Variants in HSPA9 observed in about 807,000 individuals in gnomAD.
HSPA9 encodes the protein heat shock protein family A (Hsp70) member 9.
In HSPA9, 28 loss-of-function variants were observed where a neutral mutation model predicts 81.5. The ratio of observed to expected loss-of-function variants is 0.34; its 90% CI spans 0.25 to 0.47. HSPA9 has a LOEUF of 0.47. Ranked by LOEUF, HSPA9 falls within the 20% of genes least tolerant of loss-of-function variation. HSPA9 has a pLI of 1.00. For synonymous variants in HSPA9, 293 were observed against 290.4 expected (o/e 1.01, Z -0.09); for missense variants, 678 against 838.0 (o/e 0.81, Z 2.36).
At chr5:138,575,085 G>A (rs147998423) in intron 1 of HSPA9, 153 bp downstream of exon 1, 2 of 630,854 alleles carry the variant, frequency 3.2e-6, no homozygotes, top group South Asian at 1.9e-5. Context: ...ATCTTGACCC[G>A]GCAGCGCTAA....
At chr5:138,570,368 G>A (rs2127160637) in intron 4 of HSPA9, among the ~76,000 whole-genome samples, 1 of 152,108 alleles carries the variant, frequency 6.6e-6, no homozygotes, top group East Asian at 1.9e-4. Context: ...ATCAACACAT[G>A]ATAGAACCTA....
At chr5:138,557,824 C>A in intron 13 of HSPA9, 45 bp downstream of exon 13, 1 of 1,172,544 alleles carries the variant, frequency 8.5e-7, no homozygotes, top group Non-Finnish European at 1.3e-6. Context: ...ATTCCCAAGA[C>A]CTCCCTCACC....
In HSPA9 at chr5:138,559,887, T is replaced by C; in HGVS notation, c.1387A>G (p.Thr463Ala). The C allele has an allele frequency of 6.2e-7, 1 of 1,610,896 alleles. No homozygotes were observed. The highest frequency in any genetic ancestry group is 8.5e-7 in the Non-Finnish European group (1 of 1,177,082). Residue 463 changes from threonine (T) to alanine (A), a missense_variant, in exon 11 of 17, where the codon ACT (threonine) becomes GCT (alanine). Physicochemically the swap from Thr to Ala is moderately conservative, Grantham distance 58. Coordinates refer to ENST00000297185, the MANE Select transcript of HSPA9 (RefSeq NM_004134.7). ...ACCTGGCTCTTCTTGGTTGGAATAG[T>C]GGTATTCCTATTAATAAGTTTGGTA... ...VFTKLINRNT[T>A]IPTKKSQVFS...
At position 138,568,990 on chromosome 5, in the gene HSPA9, T is replaced by G. The variant is rs1204819586; in HGVS notation, c.470A>C (p.His157Pro). 1.9e-6 allele frequency: 3 copies of G among 1,613,840 alleles called. No individual in the cohort carries two copies. The African/African-American group carries it at 4.0e-5, about 22-fold the overall frequency. The stretch of plus-strand genomic sequence containing the variant: ...CTGACTCGGAGAATACAATTTCCCA[T>G]GAGCCTCAACCCAGGCATCACCATT... The part of the protein sequence containing the change: ...ASNGDAWVEA[H>P]GKLYSPSQIG... The change falls in exon 5 of 17, where the codon CAT (histidine) becomes CCT (proline). Residue 157 changes from histidine to proline, a missense_variant. By Grantham distance (77) the His-to-Pro change is moderately conservative. This residue lies in a region of HSPA9 where 484 missense variants were observed against 647.5 expected (regional missense o/e 0.75). Coordinates refer to ENST00000297185, the MANE Select transcript of HSPA9 (RefSeq NM_004134.7).
At chr5:138,559,392 G>A (rs1450788014) in intron 11 of HSPA9, among the ~76,000 whole-genome samples, 2 of 152,068 alleles carry the variant, frequency 1.3e-5, no homozygotes, top group African/African-American at 2.4e-5. Context: ...CATGAGCCAC[G>A]GTGCCCAGCC....
At position 138,573,985 on chromosome 5, in the gene HSPA9, G is replaced by A. The variant is rs543192535; in HGVS notation, c.140+83C>T. On this transcript the variant is annotated intron_variant, in intron 2 of 16. Coordinates refer to ENST00000297185, the MANE Select transcript of HSPA9 (RefSeq NM_004134.7). ...AAATAAATACAGATAAATAATTACA[G>A]AGAAGAATAATCACAAATGTAGAAA... The A allele has an allele frequency of 2.2e-5, 28 of 1,270,332 alleles. 1 individual carries two copies. The highest frequency in any genetic ancestry group is 3.8e-4 in the Middle Eastern group (2 of 5,322). The allele number at this position is 1,270,332 out of a possible 1,614,324, so 78.7% of individuals were successfully genotyped here.
Position 138,575,181 on chromosome 5 carries a change from GC to G in HSPA9, c.81+56del. ...AGGGCGCGCGGCCTGCCGCAGCGAA[GC>G]CCGAGGCCCAAGGCCCGAGGCCGTG... is the stretch of plus-strand genomic sequence containing the variant. On this transcript the variant is annotated intron_variant, in intron 1 of 16. Coordinates refer to ENST00000297185, the MANE Select transcript of HSPA9 (RefSeq NM_004134.7). 4.8e-6 allele frequency: 6 copies of G among 1,249,726 alleles called. No homozygotes were observed. The South Asian group carries it at 7.6e-5, about 16-fold the overall frequency. 77.4% of individuals were successfully genotyped at this position (1,249,726 alleles called of 1,614,324 possible).
chr5:138,566,704 C>G lies in HSPA9; in HGVS notation c.894G>C (p.Leu298Phe), dbSNP rs1332500754. Residue 298 changes from leucine (L) to phenylalanine (F), a missense_variant, in exon 9 of 17, where the codon TTG becomes TTC. This residue lies in a region of HSPA9 where 484 missense variants were observed against 647.5 expected (regional missense o/e 0.75). Coordinates refer to ENST00000297185, the MANE Select transcript of HSPA9 (RefSeq NM_004134.7). ...TCTGAAGTGCCATGTTGTCTTTAGT[C>G]AAATCAACCCCTGTCTATAAAGTGA... ...KEFKRETGVD[L>F]TKDNMALQRV... The G allele has an allele frequency of 6.2e-7, 1 of 1,613,496 alleles. No homozygotes were observed. The highest frequency in any genetic ancestry group is 1.7e-5 in the Admixed American group (1 of 60,010).
rs1482283140 is a variant in HSPA9, at chr5:138,569,010, A to C, written c.450T>G (p.Gly150=). The C allele has an allele frequency of 1.9e-6, 3 of 1,613,792 alleles. No homozygotes were observed. The highest frequency in any genetic ancestry group is 1.7e-6 in the Non-Finnish European group (2 of 1,179,802). ...TCCCATGAGCCTCAACCCAGGCATC[A>C]CCATTGGAGGCACGGACAATTTTAA... ...VPFKIVRASN[G]DAWVEAHGKL... Residue 150 remains glycine, a synonymous_variant, in exon 5 of 17, where the codon GGT becomes GGG. Transcript: ENST00000297185.
At chr5:138,573,937 C>T (rs776898489) in intron 2 of HSPA9, 87 bp from the exon 3 acceptor site, 63 of 1,241,530 alleles carry the variant, frequency 5.1e-5, no homozygotes, top group Admixed American at 1.4e-4. Context: ...GGAAAATTAA[C>T]AGTGGTATAC....
intron 9 of HSPA9, among the ~76,000 whole-genome samples, chr5:138,562,945 C>T (rs1561858709): frequency 6.6e-6 from 1 of 152,150 alleles, no homozygotes; most frequent in Non-Finnish European, 1.5e-5. Flanking sequence ...ATGTAATATC[C>T]AGTATTTAAT....
intron 1 of HSPA9, 115 bp from the exon 2 acceptor site, chr5:138,574,241 T>G (rs1043278893): frequency 8.1e-6 from 6 of 744,090 alleles, no homozygotes; most frequent in African/African-American, 3.6e-5. Flanking sequence ...ACAGTAAATA[T>G]TAAAGTTTCC....
intron 9 of HSPA9, among the ~76,000 whole-genome samples, chr5:138,563,061 T>G (rs1052970234): frequency 6.6e-6 from 1 of 152,006 alleles, no homozygotes; most frequent in East Asian, 1.9e-4. Context: ...GAATACTTAA[T>G]AAATAGAGTT....
At chr5:138,575,074 A>C (rs1751057783) in intron 1 of HSPA9, 164 bp downstream of exon 1, 1 of 623,534 alleles carries the variant, frequency 1.6e-6, no homozygotes, top group African/African-American at 1.9e-5. Context: ...CCTTGGGCAA[A>C]ATCTTGACCC....
At chr5:138,570,509 GAC>G (rs1282599283) in intron 4 of HSPA9, among the ~76,000 whole-genome samples, 1 of 152,108 alleles carries the variant, frequency 6.6e-6, no homozygotes, top group African/African-American at 2.4e-5. Context: ...TTTCTTTTGA[GAC>G]AGAGTCTCAG....
intron 8 of HSPA9, 50 bp from the exon 9 acceptor site, chr5:138,566,768 A>G: frequency 7.3e-7 from 1 of 1,372,692 alleles, no homozygotes; most frequent in Non-Finnish European, 1.0e-6. Flanking sequence ...GTGAGGTGAT[A>G]AATAAACTGC....
chr5:138,572,593 T>C (rs1377315788), intron 3 of HSPA9, among the ~76,000 whole-genome samples: 1 of 152,226 alleles, frequency 6.6e-6, no homozygotes, highest in African/African-American at 2.4e-5. Flanking sequence ...TAGCAAGATT[T>C]AGAACACCTG....
rs1348798517 is a variant in HSPA9, at chr5:138,574,113, C to T, written c.95G>A (p.Gly32Asp). Residue 32 changes from glycine (G) to aspartate (D), a missense_variant, in exon 2 of 17, where the codon GGC becomes GAC. Transcript: ENST00000297185. The part of the protein sequence containing the change: ...TAARHQDSWN[G>D]LSHEAFRLVS... ...AAGTCTAAAAGCCTCATGACTAAGG[C>T]CATTCCAGCTATCCTAAAAAAGAAA... 1 of 1,613,630 alleles carries T rather than the reference C, an allele frequency of 6.2e-7. No individual in the cohort carries two copies. The highest frequency in any genetic ancestry group is 8.5e-7 in the Non-Finnish European group (1 of 1,179,614).
chr5:138,575,015 T>C (rs1015400407), intron 1 of HSPA9: 2 of 598,120 alleles, frequency 3.3e-6, no homozygotes, highest in Non-Finnish European at 6.0e-6. Context: ...GAAATGACAC[T>C]CTAGATCGCG....
Sources: allele counts gnomAD v4.1 joint callset (sites outside exome capture counted in the v4.1 genomes callset), GRCh38; gene constraint gnomAD v4.1.1; regional missense constraint gnomAD v4.1.1; transcripts MANE v1.5; gene names NCBI Gene and HGNC (gene_info 2026-07-23, HGNC 2026-07-21).